Variants in TOP1 observed in about 807,000 individuals in gnomAD.
TOP1 encodes the protein DNA topoisomerase I, also known as DNA topoisomerase 1.
TOP1 carries 10 observed loss-of-function variants against 111.1 expected under a neutral mutation model. The ratio of observed to expected loss-of-function variants is 0.09; its 90% confidence interval spans 0.06 to 0.15. TOP1 has a LOEUF of 0.15. TOP1 is among the 10% of genes least tolerant of loss of function. The pLI is 1.00. For missense variants in TOP1, 474 were observed against 926.7 expected, an observed-to-expected ratio of 0.51 and a Z score of 6.34; for synonymous variants, 271 against 302.9, an observed-to-expected ratio of 0.89 and a Z score of 1.10.
chr20:41,076,399 A>C lies in TOP1; in HGVS notation c.279+105A>C, dbSNP rs566951978. 3.9e-5 allele frequency: 57 copies of C among 1,446,398 alleles called. No individual in the cohort carries two copies. In the African/African-American group the frequency reaches 7.7e-4, roughly 19 times the overall value. The allele number at this position is 1,446,398 out of a possible 1,614,324, so 89.6% of individuals were successfully genotyped here. On this transcript the variant is annotated intron_variant, in intron 4 of 20. Transcript: ENST00000361337. ...AGTAAGATCCCTTGGTCTTGAAGTG[A>C]AAGGTTTCTTGTCAGGAGAATTTAG...
At chr20:41,057,129 G>C (rs2033483135) in intron 2 of TOP1, among the ~76,000 whole-genome samples, 1 of 152,088 alleles carries the variant, frequency 6.6e-6, no homozygotes, top group South Asian at 2.1e-4. Context: ...AGCCGGGCAT[G>C]GCGGCATGCA....
At position 41,121,765 on chromosome 20, in the gene TOP1, G is replaced by A. The variant is rs140382971; in HGVS notation, c.2020G>A (p.Val674Ile). The change falls in exon 19 of 21, where the codon GTC (valine) becomes ATC (isoleucine). Residue 674 changes from valine to isoleucine, a missense_variant. This residue lies in a region of TOP1 where 36 missense variants were observed against 42.3 expected (regional missense o/e 0.85). Transcript: ENST00000361337. This position sits in a 1 kb window ranked among gnomAD's most constrained non-coding sequence, Gnocchi z 4.2. ...DLKSAKADAK[V>I]MKDAKTKKVV... ...GAAAAGTGCTAAGGCTGATGCCAAG[G>A]TCATGAAGGATGCAAAGACGAAGAA... 1.5e-5 allele frequency: 25 copies of A among 1,614,182 alleles called. No individual in the cohort carries two copies. The African/African-American group carries it at 3.3e-4, about 22-fold the overall frequency.
At chr20:41,099,910 C>G in intron 11 of TOP1, 146 bp from the exon 12 acceptor site, 1 of 553,612 alleles carries the variant, frequency 1.8e-6, no homozygotes, top group Non-Finnish European at 3.1e-6. Flanking sequence ...GAGAAAACCA[C>G]TAGAGGTTTT....
intron 13 of TOP1, among the ~76,000 whole-genome samples, chr20:41,111,602 CTTT>C (rs1163578974): frequency 8.5e-5 from 10 of 117,136 alleles, no homozygotes; most frequent in Admixed American, 1.7e-4. Flanking sequence ...CCCCCGCCCC[CTTT>C]TTTTTTTTTT....
rs1218045214 is a variant in TOP1, at chr20:41,097,619, C to A, written c.852+278C>A. On this transcript the variant is annotated intron_variant, in intron 10 of 20. Coordinates refer to ENST00000361337, the MANE Select transcript of TOP1 (RefSeq NM_003286.4). The surrounding 1 kb of genome is among the most constrained non-coding windows in gnomAD (Gnocchi z 4.2). ...ACAGAAAACCTCAACTCCAGTTGCGCACAGGAAAGTTTGTCGCTGCAGGAC... is the reference window on the plus strand; with the variant it reads ...ACAGAAAACCTCAACTCCAGTTGCGAACAGGAAAGTTTGTCGCTGCAGGAC... Among the ~76,000 whole-genome samples, 2 of 152,158 alleles carry A rather than the reference C, an allele frequency of 1.3e-5. No individual in the cohort carries two copies. The highest frequency in any genetic ancestry group is 2.9e-5 in the Non-Finnish European group (2 of 68,030).
Position 41,106,651 on chromosome 20 carries a change from G to A in TOP1, c.1308+5298G>A, listed in dbSNP as rs149072766. Among the ~76,000 whole-genome samples the A allele has an allele frequency of 3.3e-4, 50 of 151,982 alleles. No homozygotes were observed. The highest frequency in any genetic ancestry group is 1.0e-3 in the African/African-American group (43 of 41,456). ...TTTAAGTGATCTTATAGTTTTTATT[G>A]CTAATGTGAATGAGATTTTTTTCCA... is the stretch of plus-strand genomic sequence containing the variant. On this transcript the variant is annotated intron_variant, in intron 13 of 20. Coordinates refer to ENST00000361337, the MANE Select transcript of TOP1 (RefSeq NM_003286.4). This position sits in a 1 kb window ranked among gnomAD's most constrained non-coding sequence, Gnocchi z 4.3.
chr20:41,066,966 C>G (rs1257914573), intron 3 of TOP1, among the ~76,000 whole-genome samples: 1 of 152,148 alleles, frequency 6.6e-6, no homozygotes, highest in Non-Finnish European at 1.5e-5. Flanking sequence ...ATGACTAAAT[C>G]TAGCCCTTGG....
At position 41,119,638 on chromosome 20, in the gene TOP1, A is replaced by T. The variant is rs369530592; in HGVS notation, c.1950+1342A>T. Among the ~76,000 whole-genome samples the T allele has an allele frequency of 5.8e-4, 89 of 152,150 alleles. 1 individual carries two copies. Among genetic ancestry groups the T allele is most frequent in the African/African-American group, 2.0e-3 (85 of 41,558 alleles). On this transcript the variant is annotated intron_variant, in intron 18 of 20. Coordinates refer to ENST00000361337, the MANE Select transcript of TOP1 (RefSeq NM_003286.4). ...TTGTTGAGATTTCCTTAAGATAAGTACCCATGAGTAATATAGCTGGTTCAA... is the reference window on the plus strand; with the variant it reads ...TTGTTGAGATTTCCTTAAGATAAGTTCCCATGAGTAATATAGCTGGTTCAA...
rs1391453403 is a variant in TOP1 at position 41,071,385 on chromosome 20, G to C, written c.156-4786G>C. Among the ~76,000 whole-genome samples, 1 of 149,308 alleles carries C rather than the reference G, an allele frequency of 6.7e-6. No homozygotes were observed. Among genetic ancestry groups the C allele is most frequent in the African/African-American group, 2.5e-5 (1 of 40,338 alleles). ...TTTTGAGATGGAGCCTCAGTCTATC[G>C]CCAGGCTGGAGTGCAGTGGCGTGAT... On this transcript the variant is annotated intron_variant, in intron 3 of 20. Coordinates refer to ENST00000361337, the MANE Select transcript of TOP1 (RefSeq NM_003286.4). The surrounding 1 kb of genome is among the most constrained non-coding windows in gnomAD (Gnocchi z 4.3).
rs2145945770 is a variant in TOP1 at position 41,092,086 on chromosome 20, C to T, written c.615-386C>T. Among the ~76,000 whole-genome samples, 1 of 152,270 alleles carries T rather than the reference C, an allele frequency of 6.6e-6. No individual in the cohort carries two copies. Among genetic ancestry groups the T allele is most frequent in the African/African-American group, 2.4e-5 (1 of 41,530 alleles). On this transcript the variant is annotated intron_variant, in intron 8 of 20. Coordinates refer to ENST00000361337, the MANE Select transcript of TOP1 (RefSeq NM_003286.4). The surrounding 1 kb of genome is among the most constrained non-coding windows in gnomAD (Gnocchi z 4.3). ...TCCTCTACCTTCCATCTGACGTCACCACTCTGAGGAGGCCTTTTCCTTACA... is the reference window on the plus strand; with the variant it reads ...TCCTCTACCTTCCATCTGACGTCACTACTCTGAGGAGGCCTTTTCCTTACA...
intron 2 of TOP1, among the ~76,000 whole-genome samples, chr20:41,060,609 A>T (rs1465341975): frequency 6.6e-6 from 1 of 152,070 alleles, no homozygotes; most frequent in Admixed American, 6.6e-5. Flanking sequence ...GTGTCTTTGA[A>T]ATGTTTATTA....
At chr20:41,065,789 T>TA (rs2033599808) in intron 3 of TOP1, among the ~76,000 whole-genome samples, 3 of 152,200 alleles carry the variant, frequency 2.0e-5, no homozygotes, top group African/African-American at 4.8e-5. Flanking sequence ...TAATCACATT[T>TA]AAAAAAATCC....
chr20:41,047,475 T>G (rs975640938), intron 2 of TOP1, among the ~76,000 whole-genome samples: 2 of 152,246 alleles, frequency 1.3e-5, no homozygotes, highest in East Asian at 1.9e-4. Context: ...GTAAGCACAC[T>G]ATGATGTTTG....
rs182889787 is a variant in TOP1 at position 41,073,480 on chromosome 20, C to T, written c.156-2691C>T. On this transcript the variant is annotated intron_variant, in intron 3 of 20. Coordinates refer to ENST00000361337, the MANE Select transcript of TOP1 (RefSeq NM_003286.4). The stretch of plus-strand genomic sequence containing the variant: ...ACATCTTTATTCTAGAAAGTTTCTC[C>T]TCGATGGTAAAATAAAGCTAGGACC... 37 of 985,198 alleles carry T rather than the reference C, an allele frequency of 3.8e-5. No individual in the cohort carries two copies. The African/African-American group carries it at 6.1e-4, about 16-fold the overall frequency. The allele number at this position is 985,198 out of a possible 1,614,324, so 61.0% of individuals were successfully genotyped here.
rs2034225424 is a variant in TOP1 at position 41,110,826 on chromosome 20, TC to T, written c.1309-1955del. Among the ~76,000 whole-genome samples, 2 of 152,150 alleles carry T rather than the reference TC, an allele frequency of 1.3e-5. No homozygotes were observed. The highest frequency in any genetic ancestry group is 2.9e-5 in the Non-Finnish European group (2 of 68,006). On this transcript the variant is annotated intron_variant, in intron 13 of 20. Transcript: ENST00000361337. The surrounding 1 kb of genome is among the most constrained non-coding windows in gnomAD (Gnocchi z 4.2). ...TGGATAGTTTATTTTCTAAAAGTAGTCAAGAAAGCTTGTTCAGGGCATTGAA... is the reference window on the plus strand; with the variant it reads ...TGGATAGTTTATTTTCTAAAAGTAGTAAGAAAGCTTGTTCAGGGCATTGAA...
At position 41,116,304 on chromosome 20, in the gene TOP1, G is replaced by A. The variant is rs1269476047; in HGVS notation, c.1734G>A (p.Gln578=). 2 of 1,612,808 alleles carry A rather than the reference G, an allele frequency of 1.2e-6. 1 individual carries two copies. Among genetic ancestry groups the A allele is most frequent in the South Asian group, 2.2e-5 (2 of 91,024 alleles). ...LNTGILNKHL[Q]DLMEGLTAKV... ...CTGGTATTCTGAATAAGCATCTTCA[G>A]GATCTCATGGAGGGCTTGACAGCCA... Residue 578 remains glutamine, a synonymous_variant, in exon 17 of 21, where the codon CAG becomes CAA. Transcript: ENST00000361337. The surrounding 1 kb of genome is among the most constrained non-coding windows in gnomAD (Gnocchi z 5.6).
intron 2 of TOP1, among the ~76,000 whole-genome samples, chr20:41,037,066 G>C (rs181097929): frequency 1.3e-5 from 2 of 151,990 alleles, no homozygotes; most frequent in African/African-American, 4.8e-5. Flanking sequence ...TCCTGACCTC[G>C]TGATCCACCA....
At chr20:41,059,710 A>C (rs1332084761) in intron 2 of TOP1, among the ~76,000 whole-genome samples, 4 of 152,190 alleles carry the variant, frequency 2.6e-5, no homozygotes, top group Admixed American at 1.3e-4. Context: ...CTTGATCAAA[A>C]TTTAAAACTT....
rs2033502949 is a variant in TOP1 at position 41,058,583 on chromosome 20, G to T, written c.59-2811G>T. ...TGTCACTGGCCTCCCCCAGAGCAAGGAGAGAGCAGGAAGGAAGATCTAATA... is the reference window on the plus strand; with the variant it reads ...TGTCACTGGCCTCCCCCAGAGCAAGTAGAGAGCAGGAAGGAAGATCTAATA... On this transcript the variant is annotated intron_variant, in intron 2 of 20. Coordinates refer to ENST00000361337, the MANE Select transcript of TOP1 (RefSeq NM_003286.4). The surrounding 1 kb of genome is among the most constrained non-coding windows in gnomAD (Gnocchi z 4.2). Among the ~76,000 whole-genome samples, 1 of 152,212 alleles carries T rather than the reference G, an allele frequency of 6.6e-6. No homozygotes were observed. Among genetic ancestry groups the T allele is most frequent in the South Asian group, 2.1e-4 (1 of 4,836 alleles).
Sources: gnomAD v4.1 joint callset for allele counts (sites outside exome capture counted in the v4.1 genomes callset) on GRCh38, gnomAD v4.1.1 for gene constraint, gnomAD v4.1.1 regional missense constraint, Gnocchi (gnomAD v3.1) non-coding constraint, MANE v1.5 for transcripts, NCBI Gene and HGNC (gene_info 2026-07-23, HGNC 2026-07-21) for gene names.